COLGALT2: variants seen among roughly 807,000 people sequenced by gnomAD.
COLGALT2 encodes collagen beta(1-O)galactosyltransferase 2.
In COLGALT2, 49 loss-of-function variants were observed where a neutral mutation model predicts 73.4. That is an observed-to-expected ratio of 0.67 (90% CI 0.53 to 0.85). The LOEUF (loss-of-function observed/expected upper bound fraction) is 0.85, where lower values mean the gene tolerates loss of function less well. COLGALT2 is among the 40% of genes least tolerant of loss of function. COLGALT2 has a pLI of 0.00. For synonymous variants in COLGALT2, 295 were observed against 307.6 expected (o/e 0.96, Z 0.43); for missense variants, 722 against 790.2 (o/e 0.91, Z 1.03).
At chr1:183,945,353 C>T (rs1670219925) in intron 9 of COLGALT2, 79 bp downstream of exon 9, 2 of 1,508,934 alleles carry the variant, frequency 1.3e-6, no homozygotes, top group Non-Finnish European at 1.8e-6. Context: ...CACTTTACAT[C>T]TGGCCCTAAC....
At chr1:183,939,134 GTTCAT>G (rs1346175256) in intron 11 of COLGALT2, 97 bp from the exon 12 acceptor site, 3 of 780,308 alleles carry the variant, frequency 3.8e-6, no homozygotes, top group African/African-American at 3.5e-5. Flanking sequence ...TACCTCATGA[GTTCAT>G]TTCATTATTT....
In COLGALT2 at chr1:184,023,650, G is replaced by T. The variant is rs539674549; in HGVS notation, c.263+13445C>A. 2.6e-5 allele frequency among the ~76,000 whole-genome samples: 4 copies of T among 151,860 alleles called. 1 individual carries two copies. Among genetic ancestry groups the T allele is most frequent in the Non-Finnish European group, 4.4e-5 (3 of 67,976 alleles). ...TTCCAAAAGTGCGTGAGGTGGGGGG[G>T]GGGGGCGGTGCCGGAAGCATTCTAG... On this transcript the variant is annotated intron_variant, in intron 1 of 11. Coordinates refer to ENST00000361927, the MANE Select transcript of COLGALT2 (RefSeq NM_015101.4).
Position 184,037,604 on chromosome 1 carries a change from C to G in COLGALT2, c.-247G>C, listed in dbSNP as rs1248551279. The G allele has an allele frequency of 9.3e-7, 1 of 1,077,038 alleles. No homozygotes were observed. The highest frequency in any genetic ancestry group is 1.7e-5 in the African/African-American group (1 of 59,706). 66.7% of individuals were successfully genotyped at this position (1,077,038 alleles called of 1,614,324 possible). A position where few individuals can be genotyped will look rare whatever the true frequency, so the allele number is the denominator to read the frequency against. On this transcript the variant is annotated 5_prime_UTR_variant, in exon 1 of 12. Coordinates refer to ENST00000361927, the MANE Select transcript of COLGALT2 (RefSeq NM_015101.4). Reference sequence around the variant, plus strand: ...ACCTGCAGCCGCTGGCGCTCCCCTGCGCCTCGGGCTCGCAGACAGTAGTGG... The same window carrying G: ...ACCTGCAGCCGCTGGCGCTCCCCTGGGCCTCGGGCTCGCAGACAGTAGTGG...
chr1:184,008,217 G>C (rs770153465), intron 1 of COLGALT2, among the ~76,000 whole-genome samples: 88 of 152,186 alleles, frequency 5.8e-4, no homozygotes, highest in Non-Finnish European at 1.2e-3. Flanking sequence ...TGGAGAAGCA[G>C]TGGAATATTT....
At chr1:183,930,449 C>T (rs1350889713) in intron 11 of COLGALT2, among the ~76,000 whole-genome samples, 2 of 151,952 alleles carry the variant, frequency 1.3e-5, no homozygotes, top group Admixed American at 6.6e-5. Context: ...GCTGGAGTGG[C>T]GCAACCTCAG....
chr1:183,955,150 T>A (rs75325776), intron 6 of COLGALT2, among the ~76,000 whole-genome samples: 158 of 152,212 alleles, frequency 1.0e-3, no homozygotes, highest in Non-Finnish European at 1.9e-3. Context: ...ATGATCTGGG[T>A]CCAAACCTTG....
chr1:183,955,996 C>T (rs554821353), intron 6 of COLGALT2, among the ~76,000 whole-genome samples: 8 of 152,270 alleles, frequency 5.3e-5, no homozygotes, highest in East Asian at 3.9e-4. Context: ...GTGCTCATAG[C>T]GGCATGTGTG....
chr1:184,003,810 G>T (rs1272370726), intron 1 of COLGALT2, among the ~76,000 whole-genome samples: 1 of 152,080 alleles, frequency 6.6e-6, no homozygotes, highest in East Asian at 1.9e-4. Context: ...AAGGACATTT[G>T]CTAGGAAACT....
At chr1:183,942,332 G>C (rs1246461639) in intron 10 of COLGALT2, among the ~76,000 whole-genome samples, 1 of 149,290 alleles carries the variant, frequency 6.7e-6, no homozygotes, top group Non-Finnish European at 1.5e-5. Context: ...TGAAGAGTTG[G>C]TACAAAAAAA....
intron 1 of COLGALT2, among the ~76,000 whole-genome samples, chr1:184,021,322 C>T (rs1649175603): frequency 6.6e-6 from 1 of 152,070 alleles, no homozygotes; most frequent in Non-Finnish European, 1.5e-5. Flanking sequence ...GAATGTGTCC[C>T]CCAAAGTTCA....
At chr1:183,959,047 T>C (rs144963612) in intron 6 of COLGALT2, among the ~76,000 whole-genome samples, 3 of 152,148 alleles carry the variant, frequency 2.0e-5, no homozygotes, top group Admixed American at 6.5e-5. Flanking sequence ...AAGTGGCCCA[T>C]GTCAAGGTCA....
At chr1:184,034,935 G>T (rs1426739406) in intron 1 of COLGALT2, among the ~76,000 whole-genome samples, 1 of 152,178 alleles carries the variant, frequency 6.6e-6, no homozygotes, top group Non-Finnish European at 1.5e-5. Context: ...GAGCTGAAAA[G>T]AACTATTTAG....
intron 1 of COLGALT2, among the ~76,000 whole-genome samples, chr1:184,010,619 A>G (rs1239277817): frequency 1.3e-5 from 2 of 152,148 alleles, no homozygotes; most frequent in African/African-American, 4.8e-5. Context: ...AGAATGAGGT[A>G]CACAGGCCTG....
chr1:183,983,614 C>T (rs1262158044), intron 1 of COLGALT2, among the ~76,000 whole-genome samples: 1 of 152,200 alleles, frequency 6.6e-6, no homozygotes, highest in Non-Finnish European at 1.5e-5. Context: ...CAGCGCAGTG[C>T]TTGTCCTGCT....
At chr1:183,958,101 A>G (rs1670601529) in intron 6 of COLGALT2, among the ~76,000 whole-genome samples, 1 of 152,084 alleles carries the variant, frequency 6.6e-6, no homozygotes, top group Non-Finnish European at 1.5e-5. Context: ...ACATCCCCAA[A>G]TTCTCTGTGC....
At chr1:183,986,125 C>T (rs962408204) in intron 1 of COLGALT2, among the ~76,000 whole-genome samples, 1 of 152,174 alleles carries the variant, frequency 6.6e-6, no homozygotes, top group Non-Finnish European at 1.5e-5. Context: ...CAAAATATGC[C>T]AATTGATTCT....
chr1:183,952,165 G>A lies in COLGALT2; in HGVS notation c.1030-1052C>T, dbSNP rs148797821. Among the ~76,000 whole-genome samples, 377 of 152,258 alleles carry A rather than the reference G, an allele frequency of 2.5e-3. 2 individuals carry two copies. The highest frequency in any genetic ancestry group is 8.4e-3 in the African/African-American group (351 of 41,566). ...TAAAGCTTTGTGAATGCCTTTACAC[G>A]TAAATCAATGTTTTAATAAGGTCCT... is the stretch of plus-strand genomic sequence containing the variant. On this transcript the variant is annotated intron_variant, in intron 7 of 11. Transcript: ENST00000361927.
At position 183,945,514 on chromosome 1, in the gene COLGALT2, C is replaced by T. The variant is rs749385514; in HGVS notation, c.1187G>A (p.Gly396Asp). ...LKALNIEMLP[G>D]YRDPYSSRPL... ...CCTGGAGGAATAGGGATCTCGATAG[C>T]CAGGCAGCATTTCAATATTCAGTGC... is the stretch of plus-strand genomic sequence containing the variant. Residue 396 changes from glycine (G) to aspartate (D), a missense_variant, in exon 9 of 12, where the codon GGC (glycine) becomes GAC (aspartate). Gly to Asp is a moderately conservative substitution (Grantham distance 94, BLOSUM62 -1). Coordinates refer to ENST00000361927, the MANE Select transcript of COLGALT2 (RefSeq NM_015101.4). 3 of 1,614,168 alleles carry T rather than the reference C, an allele frequency of 1.9e-6. No individual in the cohort carries two copies. Among genetic ancestry groups the T allele is most frequent in the Non-Finnish European group, 2.5e-6 (3 of 1,180,016 alleles).
At chr1:184,010,643 C>A (rs1295964365) in intron 1 of COLGALT2, among the ~76,000 whole-genome samples, 2 of 152,174 alleles carry the variant, frequency 1.3e-5, no homozygotes, top group Non-Finnish European at 2.9e-5. Flanking sequence ...GAAGGACAAT[C>A]TCCTAGAACC....
Sources: allele counts gnomAD v4.1 joint callset (sites outside exome capture counted in the v4.1 genomes callset), GRCh38; gene constraint gnomAD v4.1.1; transcripts MANE v1.5; gene names NCBI Gene and HGNC (gene_info 2026-07-23, HGNC 2026-07-21).